Variants in NRG3 observed in about 807,000 individuals in gnomAD.
NRG3 encodes pro-neuregulin-3, membrane-bound isoform.
NRG3 carries 31 observed loss-of-function variants against 66.9 expected under a neutral mutation model. The observed-to-expected ratio is 0.46, with a 90% CI of 0.35 to 0.63. The LOEUF (loss-of-function observed/expected upper bound fraction) is 0.63, where lower values mean the gene tolerates loss of function less well. NRG3 is among the 20% of genes least tolerant of loss of function. The pLI is 0.00. For synonymous variants in NRG3, 393 were observed against 359.4 expected (o/e 1.09, Z -1.06); for missense variants, 910 against 878.9 (o/e 1.04, Z -0.45).
intron 1 of NRG3, chr10:82,228,807 T>G (rs2076299078): frequency 3.3e-5 from 5 of 152,210 alleles, no homozygotes; most frequent in Admixed American, 3.3e-4. Flanking sequence ...TATGCCCTTC[T>G]GAGAAAACAA....
Position 82,381,685 on chromosome 10 carries a change from T to C in NRG3, c.953+22817T>C, listed in dbSNP as rs376659726. ...TTCTCATATTTTATTTTATCACTTATGCTTCATGGGTTGGGAGACTTTATC... is the reference window on the plus strand; with the variant it reads ...TTCTCATATTTTATTTTATCACTTACGCTTCATGGGTTGGGAGACTTTATC... On this transcript the variant is annotated intron_variant, in intron 2 of 8. Coordinates refer to ENST00000372141, the MANE Select transcript of NRG3 (RefSeq NM_001010848.4). Among the ~76,000 whole-genome samples, 7 of 152,202 alleles carry C rather than the reference T, an allele frequency of 4.6e-5. No homozygotes were observed. In the East Asian group the frequency reaches 5.8e-4, roughly 13 times the overall value.
chr10:82,067,349 TTTG>T (rs1277717668), intron 1 of NRG3, among the ~76,000 whole-genome samples: 1 of 152,216 alleles, frequency 6.6e-6, no homozygotes, highest in Admixed American at 6.5e-5. Flanking sequence ...CCATTTGCTG[TTTG>T]TTGTTGTCGT....
intron 2 of NRG3, among the ~76,000 whole-genome samples, chr10:82,506,727 T>C (rs1844714287): frequency 6.6e-6 from 1 of 152,152 alleles, no homozygotes. Flanking sequence ...GAGAAAGCAG[T>C]CTAACAATTT....
chr10:82,146,513 C>T (rs760292933), intron 1 of NRG3, among the ~76,000 whole-genome samples: 12 of 152,082 alleles, frequency 7.9e-5, no homozygotes, highest in Admixed American at 3.9e-4. Context: ...GGTAACAAAC[C>T]GTAAAGGCAT....
rs1026382467 is a variant in NRG3, at chr10:82,276,173, C to T, written c.824-82566C>T. On this transcript the variant is annotated intron_variant, in intron 1 of 8. Coordinates refer to ENST00000372141, the MANE Select transcript of NRG3 (RefSeq NM_001010848.4). Reference sequence around the variant, plus strand: ...ATTATTTGAACATAATGGATACACACGAGTAATTGTCCTGAATTCCTATAT... The same window carrying T: ...ATTATTTGAACATAATGGATACACATGAGTAATTGTCCTGAATTCCTATAT... Among the ~76,000 whole-genome samples the T allele has an allele frequency of 3.9e-5, 6 of 152,004 alleles. No homozygotes were observed. In the South Asian group the frequency reaches 6.2e-4, roughly 16 times the overall value.
At chr10:82,847,060 T>C (rs1413702883) in intron 3 of NRG3, among the ~76,000 whole-genome samples, 1 of 152,196 alleles carries the variant, frequency 6.6e-6, no homozygotes, top group African/African-American at 2.4e-5. Flanking sequence ...CTTAAGTTCT[T>C]CTCATCTACC....
At chr10:82,064,600 C>T (rs926693976) in intron 1 of NRG3, among the ~76,000 whole-genome samples, 1 of 151,996 alleles carries the variant, frequency 6.6e-6, no homozygotes, top group Non-Finnish European at 1.5e-5. Flanking sequence ...AAGCTATAGA[C>T]GGACGATCAA....
intron 3 of NRG3, among the ~76,000 whole-genome samples, chr10:82,842,020 T>C (rs1055503996): frequency 1.3e-5 from 2 of 152,106 alleles, no homozygotes; most frequent in Admixed American, 1.3e-4. Flanking sequence ...TGCAGGATAA[T>C]TTTAAAAATC....
intron 1 of NRG3, among the ~76,000 whole-genome samples, chr10:82,291,938 C>T (rs1265760902): frequency 6.6e-6 from 1 of 152,016 alleles, no homozygotes; most frequent in Non-Finnish European, 1.5e-5. Context: ...AAACTTGACA[C>T]CAGACTCAAT....
rs369697346 is a variant in NRG3 at position 82,447,181 on chromosome 10, A to T, written c.953+88313A>T. 6.6e-5 allele frequency among the ~76,000 whole-genome samples: 10 copies of T among 152,340 alleles called. 1 individual carries two copies. The highest frequency in any genetic ancestry group is 2.4e-4 in the African/African-American group (10 of 41,580). On this transcript the variant is annotated intron_variant, in intron 2 of 8. Coordinates refer to ENST00000372141, the MANE Select transcript of NRG3 (RefSeq NM_001010848.4). The stretch of plus-strand genomic sequence containing the variant: ...GAATGGAGACAGTGGGCAGAAATGG[A>T]TGCTTCTCCCAAATTATGGTAAATG...
chr10:82,297,958 A>G (rs1481150943), intron 1 of NRG3, among the ~76,000 whole-genome samples: 1 of 152,074 alleles, frequency 6.6e-6, no homozygotes, highest in East Asian at 1.9e-4. Context: ...CCTGGGCAAC[A>G]TGGCAAAACC....
intron 4 of NRG3, among the ~76,000 whole-genome samples, chr10:82,916,097 G>C (rs1381623565): frequency 2.0e-5 from 3 of 152,056 alleles, no homozygotes; most frequent in Non-Finnish European, 2.9e-5. Flanking sequence ...GAACACTATT[G>C]ATATCTGAAT....
chr10:82,712,627 T>G (rs959323876), intron 2 of NRG3, among the ~76,000 whole-genome samples: 1 of 152,148 alleles, frequency 6.6e-6, no homozygotes, highest in Non-Finnish European at 1.5e-5. Flanking sequence ...AGAGGCTGGA[T>G]GCTCGCAATG....
intron 2 of NRG3, among the ~76,000 whole-genome samples, chr10:82,500,530 C>T (rs1844072995): frequency 6.6e-6 from 1 of 152,222 alleles, no homozygotes; most frequent in South Asian, 2.1e-4. Context: ...ATCCTTGCTT[C>T]CGCTGCAGTG....
intron 2 of NRG3, among the ~76,000 whole-genome samples, chr10:82,644,666 C>A (rs1347360026): frequency 6.6e-6 from 1 of 152,080 alleles, no homozygotes; most frequent in Non-Finnish European, 1.5e-5. Flanking sequence ...AGTAGGAGAG[C>A]AAAATCAATT....
At chr10:82,544,082 C>A (rs527242969) in intron 2 of NRG3, among the ~76,000 whole-genome samples, 3 of 152,226 alleles carry the variant, frequency 2.0e-5, no homozygotes, top group Middle Eastern at 3.4e-3. Context: ...GTTGCTTTAT[C>A]CCTAAAATGG....
At chr10:82,902,511 G>A (rs1360602) in intron 4 of NRG3, among the ~76,000 whole-genome samples, 6,146 of 151,990 alleles carry the variant, frequency 0.04, 151 homozygotes, top group Middle Eastern at 0.1. Context: ...AAGGAAATTC[G>A]GAAGGAAGTT....
intron 1 of NRG3, among the ~76,000 whole-genome samples, chr10:82,268,364 G>A (rs1447972289): frequency 5.3e-5 from 8 of 152,184 alleles, no homozygotes; most frequent in African/African-American, 1.4e-4. Flanking sequence ...AGTGTGGCTG[G>A]TCTGAAACTT....
chr10:82,360,481 G>A (rs976251653), intron 2 of NRG3, among the ~76,000 whole-genome samples: 5 of 152,206 alleles, frequency 3.3e-5, no homozygotes, highest in Non-Finnish European at 7.3e-5. Context: ...CTTTGATGGT[G>A]TTTTACCAAG....
Sources: allele counts gnomAD v4.1 joint callset (sites outside exome capture counted in the v4.1 genomes callset), GRCh38; gene constraint gnomAD v4.1.1; transcripts MANE v1.5; gene names NCBI Gene and HGNC (gene_info 2026-07-23, HGNC 2026-07-21).